Variants in SHANK2 observed in about 807,000 individuals in gnomAD.
SHANK2 encodes SH3 and multiple ankyrin repeat domains 2.
A neutral mutation model predicts 133.7 loss-of-function variants in SHANK2; 43 were observed. The observed-to-expected ratio is 0.32, with a 90% confidence interval of 0.25 to 0.41. The LOEUF (loss-of-function observed/expected upper bound fraction) is 0.41. Ranked by LOEUF, SHANK2 falls within the 10% of genes least tolerant of loss-of-function variation. SHANK2 has a pLI of 1.00. For missense variants in SHANK2, 1,994 were observed against 2,235.8 expected, an observed-to-expected ratio of 0.89 and a Z score of 2.18; for synonymous variants, 1,017 against 952.8, an observed-to-expected ratio of 1.07 and a Z score of -1.24.
At chr11:71,086,329 T>C (rs1446036285) in intron 8 of SHANK2, among the ~76,000 whole-genome samples, 7 of 121,756 alleles carry the variant, frequency 5.7e-5, no homozygotes, top group Non-Finnish European at 1.1e-4. Flanking sequence ...TGTTATATTA[T>C]ATATGTTATA....
intron 10 of SHANK2, among the ~76,000 whole-genome samples, chr11:70,898,278 A>ACG (rs1462653604): frequency 2.6e-4 from 25 of 95,392 alleles, no homozygotes; most frequent in Non-Finnish European, 5.0e-4. Context: ...ATATATACAC[A>ACG]CACGCACACA....
intron 2 of SHANK2, among the ~76,000 whole-genome samples, chr11:71,217,379 C>T (rs1263843221): frequency 6.6e-6 from 1 of 151,918 alleles, no homozygotes; most frequent in Non-Finnish European, 1.5e-5. Flanking sequence ...CGGTGGCGCG[C>T]CTGTAATCCC....
chr11:70,789,844 C>T (rs1167182267), intron 14 of SHANK2, among the ~76,000 whole-genome samples: 2 of 152,146 alleles, frequency 1.3e-5, no homozygotes, highest in Non-Finnish European at 2.9e-5. Context: ...CTCATCACAC[C>T]CATTTTCTCA....
At chr11:70,608,462 G>A (rs1554993195) in intron 17 of SHANK2, among the ~76,000 whole-genome samples, 2 of 152,154 alleles carry the variant, frequency 1.3e-5, no homozygotes, top group African/African-American at 4.8e-5. Context: ...GGGTAGGTCT[G>A]CACCTCTGAG....
chr11:71,133,420 A>G (rs1394982250), intron 3 of SHANK2, among the ~76,000 whole-genome samples: 1 of 12,466 alleles, frequency 8.0e-5, no homozygotes. Context: ...ATGGATGGAC[A>G]GATGGAGGGA....
intron 17 of SHANK2, among the ~76,000 whole-genome samples, chr11:70,519,903 TA>T (rs1554970733): frequency 6.9e-6 from 1 of 145,766 alleles, no homozygotes; most frequent in Non-Finnish European, 1.5e-5. Context: ...CCACCATGCC[TA>T]ATTTTTTTTT....
chr11:71,109,309 AGT>A (rs1307302766), intron 6 of SHANK2, among the ~76,000 whole-genome samples: 1 of 152,174 alleles, frequency 6.6e-6, no homozygotes, highest in Non-Finnish European at 1.5e-5. Flanking sequence ...ACCCAGGGAC[AGT>A]GGGTGATGTC....
intron 10 of SHANK2, among the ~76,000 whole-genome samples, chr11:70,923,799 C>T (rs574471103): frequency 3.9e-5 from 6 of 152,138 alleles, no homozygotes; most frequent in African/African-American, 1.2e-4. Context: ...GTGATGATCC[C>T]GCCTTGGCCT....
At chr11:70,489,419 T>C (rs2058855165) in intron 23 of SHANK2, 71 bp from the exon 24 acceptor site, 1 of 1,501,594 alleles carries the variant, frequency 6.7e-7, no homozygotes, top group Non-Finnish European at 9.3e-7. Context: ...CTGAGTTTGC[T>C]GGTGCAGGGG....
At chr11:70,563,617 C>T (rs1405574390) in intron 17 of SHANK2, among the ~76,000 whole-genome samples, 1 of 150,906 alleles carries the variant, frequency 6.6e-6, no homozygotes, top group East Asian at 2.0e-4. Flanking sequence ...TGGCTCACCG[C>T]AACCTCCGCC....
At chr11:70,926,376 C>T (rs995639639) in intron 10 of SHANK2, among the ~76,000 whole-genome samples, 1 of 152,114 alleles carries the variant, frequency 6.6e-6, no homozygotes, top group African/African-American at 2.4e-5. Context: ...CTCAGTAAGC[C>T]AAGATGGCGC....
chr11:70,738,638 G>A (rs992423789), intron 14 of SHANK2, among the ~76,000 whole-genome samples: 2 of 152,180 alleles, frequency 1.3e-5, no homozygotes, highest in Non-Finnish European at 2.9e-5. Context: ...ACAGCCAGCC[G>A]CTGGACCCCT....
chr11:70,733,184 C>T (rs1206409594), intron 14 of SHANK2, among the ~76,000 whole-genome samples: 2 of 152,004 alleles, frequency 1.3e-5, no homozygotes, highest in Non-Finnish European at 2.9e-5. Context: ...AGAGGAGGGA[C>T]TGTCACAGCT....
At chr11:70,640,456 G>A (rs903358773) in intron 17 of SHANK2, among the ~76,000 whole-genome samples, 2 of 152,234 alleles carry the variant, frequency 1.3e-5, no homozygotes, top group Non-Finnish European at 2.9e-5. Context: ...GGCCCTGCCA[G>A]GCCCTGGATT....
intron 4 of SHANK2, among the ~76,000 whole-genome samples, chr11:71,115,165 C>T (rs1325310939): frequency 1.3e-5 from 2 of 152,116 alleles, no homozygotes; most frequent in African/African-American, 4.8e-5. Context: ...GATTAATAAA[C>T]CTAAGTATCG....
At chr11:70,813,229 T>G (rs573683973) in intron 12 of SHANK2, among the ~76,000 whole-genome samples, 7 of 152,064 alleles carry the variant, frequency 4.6e-5, no homozygotes, top group African/African-American at 1.7e-4. Flanking sequence ...GAGGTCAGGG[T>G]TAGAGTCCAC....
chr11:70,748,334 C>T (rs1946685470), intron 14 of SHANK2, among the ~76,000 whole-genome samples: 1 of 152,128 alleles, frequency 6.6e-6, no homozygotes, highest in Non-Finnish European at 1.5e-5. Context: ...ATCCCTGGGG[C>T]AAAAGGTCCT....
chr11:71,209,406 T>C (rs1954202927), intron 2 of SHANK2, among the ~76,000 whole-genome samples: 1 of 152,118 alleles, frequency 6.6e-6, no homozygotes, highest in Admixed American at 6.5e-5. Context: ...GGAGGGAGCT[T>C]CGGTTCGCAG....
intron 21 of SHANK2, among the ~76,000 whole-genome samples, chr11:70,495,358 GGCCTCGCCGATCA>G (rs2058954229): frequency 6.6e-6 from 1 of 152,202 alleles, no homozygotes; most frequent in African/African-American, 2.4e-5. Context: ...TCTGTTCCCT[GGCCTCGCCGATCA>G]GCTGGGCTTC....
Sources: allele counts gnomAD v4.1 joint callset (sites outside exome capture counted in the v4.1 genomes callset), GRCh38; gene constraint gnomAD v4.1.1; transcripts MANE v1.5; gene names NCBI Gene and HGNC (gene_info 2026-07-23, HGNC 2026-07-21).